The following ATXN3 variants were observed in gnomAD, a reference collection of about 807,000 sequenced individuals.
ATXN3 encodes the protein ataxin 3, also known as ataxin-3.
In ATXN3, 28 loss-of-function variants were observed where a neutral mutation model predicts 58.2. The observed-to-expected ratio is 0.48, with a 90% CI of 0.36 to 0.66. The LOEUF (loss-of-function observed/expected upper bound fraction) is 0.66. Among genes scored for constraint, ATXN3 ranks in the 30% least tolerant of loss-of-function variants. The pLI is 0.00. For synonymous variants in ATXN3, 113 were observed against 138.5 expected (o/e 0.82, Z 1.29); for missense variants, 321 against 422.1 (o/e 0.76, Z 2.10).
chr14:92,083,220 A>G lies in ATXN3; in HGVS notation c.514T>C (p.Cys172Arg), dbSNP rs779942460. The stretch of plus-strand genomic sequence containing the variant: ...ATCTGCAGGAGTTGGTCAGCTTCGC[A>G]ATCTGGCAGATCACCCTTAACGACA... ...IFVVKGDLPD[C>R]EADQLLQMIR... The change falls in exon 7 of 11, where the codon TGC becomes CGC. Residue 172 changes from cysteine (C) to arginine (R), a missense_variant. Physicochemically the swap from Cys to Arg is radical, Grantham distance 180. Coordinates refer to ENST00000644486, the MANE Select transcript of ATXN3 (RefSeq NM_004993.6). The G allele has an allele frequency of 6.2e-7, 1 of 1,613,780 alleles. No homozygotes were observed. The highest frequency in any genetic ancestry group is 8.5e-7 in the Non-Finnish European group (1 of 1,179,908).
Position 92,063,264 on chromosome 14 carries a change from G to GT in ATXN3, c.*1055_*1056insA, listed in dbSNP as rs1283979090. 1.3e-5 allele frequency: 2 copies of GT among 152,450 alleles called. No individual in the cohort carries two copies. Among genetic ancestry groups the GT allele is most frequent in the Non-Finnish European group, 2.9e-5 (2 of 68,020 alleles). 9.4% of individuals were successfully genotyped at this position (152,450 alleles called of 1,614,324 possible). A position where few individuals can be genotyped will look rare whatever the true frequency, so the allele number is the denominator to read the frequency against. ...CTTTGACAAGCTATACCTACTAAAAGATGTGAAGCAGACACCTACATTCCA... is the reference window on the plus strand; with the variant it reads ...CTTTGACAAGCTATACCTACTAAAAGTATGTGAAGCAGACACCTACATTCCA... On this transcript the variant is annotated 3_prime_UTR_variant, in exon 11 of 11. Transcript: ENST00000644486.
intron 5 of ATXN3, among the ~76,000 whole-genome samples, chr14:92,093,024 TG>T (rs2064214717): frequency 6.7e-6 from 1 of 150,182 alleles, no homozygotes; most frequent in Non-Finnish European, 1.5e-5. Flanking sequence ...CCACCATGCC[TG>T]GCTCTTTGTT....
chr14:92,104,163 C>T (rs939262360), intron 1 of ATXN3, among the ~76,000 whole-genome samples: 4 of 152,168 alleles, frequency 2.6e-5, no homozygotes, highest in East Asian at 1.9e-4. Context: ...TTTTTTGAGA[C>T]GGAGTCTCGC....
intron 9 of ATXN3, among the ~76,000 whole-genome samples, chr14:92,077,843 C>T (rs143159368): frequency 7.9e-5 from 12 of 151,208 alleles, no homozygotes; most frequent in Non-Finnish European, 1.5e-4. Flanking sequence ...GACAGGCTTT[C>T]GCCATGTTGG....
intron 10 of ATXN3, among the ~76,000 whole-genome samples, chr14:92,069,689 A>G (rs2059118629): frequency 6.6e-6 from 1 of 152,090 alleles, no homozygotes; most frequent in Non-Finnish European, 1.5e-5. Context: ...AGCATTTGAT[A>G]TAAGTTTTTA....
intron 9 of ATXN3, chr14:92,077,566 T>G (rs1168902344): frequency 6.6e-6 from 1 of 152,150 alleles, no homozygotes; most frequent in African/African-American, 2.4e-5. Context: ...GCCAGGATGG[T>G]CTCCATCTCC....
chr14:92,097,726 A>C (rs943622208), intron 1 of ATXN3, among the ~76,000 whole-genome samples: 3 of 150,574 alleles, frequency 2.0e-5, no homozygotes, highest in East Asian at 2.0e-4. Context: ...ACGGTTTCAC[A>C]ATGTTAGCCA....
chr14:92,049,952 T>C (rs1015374558), upstream of ATXN3: 1 of 152,198 alleles, frequency 6.6e-6, no homozygotes, highest in African/African-American at 2.4e-5. Context: ...TGCAGAAAAT[T>C]AGAAGGCAGG....
chr14:92,053,943 T>C (rs1324914046), downstream of ATXN3, among the ~76,000 whole-genome samples: 1 of 151,950 alleles, frequency 6.6e-6, no homozygotes, highest in Non-Finnish European at 1.5e-5. Context: ...ATTTTGGTTT[T>C]TTTTTCCCCC....
intron 10 of ATXN3, among the ~76,000 whole-genome samples, chr14:92,066,466 TTTC>T (rs138395021): frequency 0.28 from 43,009 of 151,864 alleles, 6,429 homozygotes; most frequent in African/African-American, 0.38. Flanking sequence ...TCTTTTATCA[TTTC>T]TTTTCTGTTT....
At chr14:92,106,382 G>A (rs559997340) in intron 1 of ATXN3, 147 bp downstream of exon 1, 127 of 1,009,900 alleles carry the variant, frequency 1.3e-4, no homozygotes, top group Non-Finnish European at 1.7e-4. Flanking sequence ...GAGCCGAGGA[G>A]GCGGGAGGCT....
At chr14:92,070,905 C>T (rs368036940) in intron 10 of ATXN3, 30 bp downstream of exon 10, 179 of 1,613,150 alleles carry the variant, frequency 1.1e-4, no homozygotes, top group African/African-American at 6.6e-4. Context: ...GTGAAGGTAG[C>T]GAACATGATG....
chr14:92,097,845 T>G (rs566451652), intron 1 of ATXN3, among the ~76,000 whole-genome samples: 85 of 152,276 alleles, frequency 5.6e-4, no homozygotes, highest in Non-Finnish European at 1.1e-3. Context: ...TTTAACATAG[T>G]TGAACTGAAC....
At chr14:92,080,041 T>C (rs925833315) in intron 9 of ATXN3, among the ~76,000 whole-genome samples, 15 of 152,100 alleles carry the variant, frequency 9.9e-5, no homozygotes, top group Admixed American at 6.6e-4. Context: ...CCCAGCCTTT[T>C]ATTTTTCTTT....
intron 1 of ATXN3, among the ~76,000 whole-genome samples, chr14:92,097,115 T>A (rs768341819): frequency 1.2e-4 from 18 of 152,132 alleles, no homozygotes; most frequent in East Asian, 3.9e-4. Flanking sequence ...CATCCTGTGT[T>A]AGCCAGGATG....
At chr14:92,067,878 T>C (rs1400661874) in intron 10 of ATXN3, among the ~76,000 whole-genome samples, 1 of 152,176 alleles carries the variant, frequency 6.6e-6, no homozygotes, top group East Asian at 1.9e-4. Context: ...GCCTGTGATG[T>C]CAAGGAGTGG....
intron 2 of ATXN3, chr14:92,046,288 T>C (rs574740414): frequency 4.6e-5 from 7 of 152,354 alleles, no homozygotes; most frequent in African/African-American, 1.7e-4. Flanking sequence ...TGCTGGTGAA[T>C]GGCGATTAGG....
rs71301949 is a variant in ATXN3, at chr14:92,069,083, C to CTTTTT, written c.991+1847_991+1851dup. On this transcript the variant is annotated intron_variant, in intron 10 of 10. Transcript: ENST00000644486. ...CAATGATGAATAAAGATGCTATAAT[C>CTTTTT]TTTTTTTTTTTTGAGAAGGAGTTTT... Among the ~76,000 whole-genome samples the CTTTTT allele has an allele frequency of 8.4e-5, 12 of 142,526 alleles. 1 individual carries two copies. Among genetic ancestry groups the CTTTTT allele is most frequent in the Non-Finnish European group, 1.2e-4 (8 of 65,594 alleles). The allele number at this position is 142,526 out of a possible 152,430, so 93.5% of individuals were successfully genotyped here. A position where few individuals can be genotyped will look rare whatever the true frequency, so the allele number is the denominator to read the frequency against.
chr14:92,053,473 CTTTTT>C (rs893045800), upstream of ATXN3, among the ~76,000 whole-genome samples: 1 of 145,116 alleles, frequency 6.9e-6, no homozygotes, highest in African/African-American at 2.5e-5. Flanking sequence ...TTCTGCTCTC[CTTTTT>C]TTTTTCTTTC....
Sources: allele counts gnomAD v4.1 joint callset (sites outside exome capture counted in the v4.1 genomes callset), GRCh38; gene constraint gnomAD v4.1.1; transcripts MANE v1.5; gene names NCBI Gene and HGNC (gene_info 2026-07-23, HGNC 2026-07-21).